The following ODAD2 variants were observed in gnomAD, a reference collection of about 807,000 sequenced individuals.
The protein encoded by ODAD2 is outer dynein arm-docking complex subunit 2.
In ODAD2, 89 loss-of-function variants were observed where a neutral mutation model predicts 106.8. The ratio of observed to expected loss-of-function variants is 0.83; its 90% CI spans 0.70 to 0.99. The LOEUF (loss-of-function observed/expected upper bound fraction) is 0.99, where lower values mean the gene tolerates loss of function less well. ODAD2 is among the 50% of genes least tolerant of loss of function. ODAD2 has a pLI of 0.00. For synonymous variants in ODAD2, 404 were observed against 436.2 expected (o/e 0.93, Z 0.92); for missense variants, 1,168 against 1,238.5 (o/e 0.94, Z 0.85).
intron 2 of ODAD2, 141 bp downstream of exon 2, chr10:27,994,778 T>C: frequency 1.2e-6 from 1 of 829,956 alleles, no homozygotes; most frequent in African/African-American, 1.7e-5. Flanking sequence ...ACTTCACCTG[T>C]GTGTCTCTGG....
At chr10:27,838,761 A>G (rs1027657583) in intron 19 of ODAD2, among the ~76,000 whole-genome samples, 4 of 152,118 alleles carry the variant, frequency 2.6e-5, no homozygotes, top group African/African-American at 9.7e-5. Context: ...TTATTTTACC[A>G]TACTGTTTGT....
chr10:27,944,893 AG>A lies in ODAD2; in HGVS notation c.1455del (p.Cys486AlafsTer14). On this transcript the variant is annotated frameshift_variant, in exon 11 of 20. Transcript: ENST00000305242. LOFTEE classifies it high-confidence loss of function. The stretch of plus-strand genomic sequence containing the variant: ...CCAACATCTCTGATGGCCAACTGGC[AG>A]GTTTCTTGAGCTAAGCTGAAATCCC... The part of the protein sequence containing the change: ...SMRDFSLAQE[T>X]CQLAIRDVGG... 1 of 1,614,200 alleles carries A rather than the reference AG, an allele frequency of 6.2e-7. No homozygotes were observed. Among genetic ancestry groups the A allele is most frequent in the Non-Finnish European group, 8.5e-7 (1 of 1,180,018 alleles).
intron 19 of ODAD2, among the ~76,000 whole-genome samples, chr10:27,829,570 C>A (rs998244718): frequency 1.3e-5 from 2 of 152,072 alleles, no homozygotes; most frequent in African/African-American, 4.8e-5. Context: ...TAACTTATTT[C>A]TAACAGGACT....
At chr10:27,958,508 G>A (rs1284575811) in intron 10 of ODAD2, among the ~76,000 whole-genome samples, 2 of 151,894 alleles carry the variant, frequency 1.3e-5, no homozygotes, top group African/African-American at 4.8e-5. Context: ...CTGGCAACTG[G>A]TTTGTTTTTA....
At chr10:27,931,270 C>G (rs550854321) in intron 16 of ODAD2, among the ~76,000 whole-genome samples, 1 of 152,126 alleles carries the variant, frequency 6.6e-6, no homozygotes, top group African/African-American at 2.4e-5. Flanking sequence ...TTTGCAGGTG[C>G]GTTTTACATT....
chr10:27,823,533 G>A (rs1836777741), intron 19 of ODAD2, among the ~76,000 whole-genome samples: 1 of 152,118 alleles, frequency 6.6e-6, no homozygotes, highest in Non-Finnish European at 1.5e-5. Flanking sequence ...ATTTTTAATA[G>A]TACTTTCCTA....
chr10:27,939,915 G>A lies in ODAD2; in HGVS notation c.2079C>T (p.Cys693=), dbSNP rs140338410. The A allele has an allele frequency of 2.1e-5, 34 of 1,606,926 alleles. No individual in the cohort carries two copies. Among genetic ancestry groups the A allele is most frequent in the African/African-American group, 9.4e-5 (7 of 74,630 alleles). Residue 693 remains cysteine (C), a synonymous_variant, in exon 14 of 20, where the codon TGC becomes TGT. Coordinates refer to ENST00000305242, the MANE Select transcript of ODAD2 (RefSeq NM_018076.5). ...ACTGCACCTGGTAAATGGCCATGGCGCAGTGCTCCTGCAGCTGCTCATTCT... is the reference window on the plus strand; with the variant it reads ...ACTGCACCTGGTAAATGGCCATGGCACAGTGCTCCTGCAGCTGCTCATTCT... ...NSENEQLQEH[C]AMAIYQCAED...
chr10:27,832,384 C>T (rs1564406813), intron 19 of ODAD2, among the ~76,000 whole-genome samples: 1 of 152,132 alleles, frequency 6.6e-6, no homozygotes, highest in African/African-American at 2.4e-5. Flanking sequence ...TAAGATTATT[C>T]CTAGTGCCAA....
intron 17 of ODAD2, among the ~76,000 whole-genome samples, chr10:27,903,038 C>A (rs111635933): frequency 5.9e-5 from 9 of 152,224 alleles, no homozygotes; most frequent in South Asian, 2.1e-4. Context: ...AACATCGATG[C>A]GAAAATCCTC....
At chr10:27,970,139 A>C (rs530486715) in intron 8 of ODAD2, among the ~76,000 whole-genome samples, 1 of 148,800 alleles carries the variant, frequency 6.7e-6, no homozygotes, top group Non-Finnish European at 1.5e-5. Flanking sequence ...TAAATAAATA[A>C]ATAAATAAAT....
At chr10:27,933,815 A>T (rs1450433121) in intron 16 of ODAD2, among the ~76,000 whole-genome samples, 4 of 152,214 alleles carry the variant, frequency 2.6e-5, no homozygotes, top group Non-Finnish European at 5.9e-5. Context: ...CATGTATGCA[A>T]CTTGTATTCC....
chr10:27,926,458 C>T (rs571416348), intron 16 of ODAD2, among the ~76,000 whole-genome samples: 5 of 151,366 alleles, frequency 3.3e-5, no homozygotes, highest in East Asian at 1.9e-4. Context: ...ACAAATTAAC[C>T]GGACAAAAAT....
intron 7 of ODAD2, 27 bp downstream of exon 7, chr10:27,981,439 A>G (rs1276862134): frequency 1.6e-5 from 24 of 1,465,222 alleles, no homozygotes; most frequent in Non-Finnish European, 2.1e-5. Flanking sequence ...AATGCTATGA[A>G]AGCTCAAAAG....
chr10:27,830,872 A>G (rs1279309579), intron 19 of ODAD2, among the ~76,000 whole-genome samples: 1 of 152,250 alleles, frequency 6.6e-6, no homozygotes, highest in African/African-American at 2.4e-5. Context: ...GGCTGTCTTC[A>G]GTGCACATCT....
At chr10:27,861,436 G>A (rs1268929498) in intron 18 of ODAD2, among the ~76,000 whole-genome samples, 1 of 152,218 alleles carries the variant, frequency 6.6e-6, no homozygotes, top group East Asian at 1.9e-4. Context: ...TTTCTTTAGA[G>A]TGAGTCTACT....
intron 8 of ODAD2, among the ~76,000 whole-genome samples, chr10:27,969,831 T>C (rs1848720235): frequency 6.6e-6 from 1 of 152,042 alleles, no homozygotes; most frequent in Admixed American, 6.6e-5. Context: ...GTGGGCTGGG[T>C]GCAGTGGCTC....
chr10:27,943,391 G>T (rs1846592195), intron 12 of ODAD2, among the ~76,000 whole-genome samples: 1 of 151,716 alleles, frequency 6.6e-6, no homozygotes, highest in African/African-American at 2.4e-5. Context: ...TTTTAAAGAT[G>T]GTAGGTACAT....
At chr10:27,982,937 C>T (rs910181275) in intron 6 of ODAD2, among the ~76,000 whole-genome samples, 3 of 152,214 alleles carry the variant, frequency 2.0e-5, no homozygotes, top group African/African-American at 4.8e-5. Flanking sequence ...ACGCAGGAAT[C>T]TGCAATGTCG....
chr10:27,952,359 G>A (rs938792871), intron 10 of ODAD2, among the ~76,000 whole-genome samples: 4 of 151,738 alleles, frequency 2.6e-5, no homozygotes, highest in African/African-American at 9.7e-5. Flanking sequence ...TACAACAATG[G>A]ATTCCAATCC....
Sources: gnomAD v4.1 joint callset for allele counts (sites outside exome capture counted in the v4.1 genomes callset) on GRCh38, gnomAD v4.1.1 for gene constraint, MANE v1.5 for transcripts, NCBI Gene and HGNC (gene_info 2026-07-23, HGNC 2026-07-21) for gene names.